GALNT18: variants seen among roughly 807,000 people sequenced by gnomAD.
GALNT18 encodes the protein polypeptide N-acetylgalactosaminyltransferase 18.
In GALNT18, 44 loss-of-function variants were observed where a neutral mutation model predicts 69.5. The observed-to-expected ratio is 0.63, with a 90% CI of 0.50 to 0.81. GALNT18 has a LOEUF of 0.81. GALNT18 is among the 40% of genes least tolerant of loss of function. GALNT18 has a pLI of 0.00. For missense variants in GALNT18, 715 were observed against 810.0 expected, an observed-to-expected ratio of 0.88 and a Z score of 1.42; for synonymous variants, 364 against 318.2, an observed-to-expected ratio of 1.14 and a Z score of -1.53.
rs141667627 is a variant in GALNT18 at position 11,471,544 on chromosome 11, G to T, written c.236-22608C>A. Among the ~76,000 whole-genome samples the T allele has an allele frequency of 2.5e-3, 382 of 152,242 alleles. 2 individuals are homozygous for T. The highest frequency in any genetic ancestry group is 8.7e-3 in the African/African-American group (360 of 41,548). ...TGTGATTCCCCAGGTCTCTTTCAATGCTTCCCCCTTTCCTTGTGCTTTTTG... is the reference window on the plus strand; with the variant it reads ...TGTGATTCCCCAGGTCTCTTTCAATTCTTCCCCCTTTCCTTGTGCTTTTTG... On this transcript the variant is annotated intron_variant, in intron 1 of 10. Transcript: ENST00000227756.
At chr11:11,508,017 A>G (rs11021881) in intron 1 of GALNT18, among the ~76,000 whole-genome samples, 29,107 of 152,158 alleles carry the variant, frequency 0.19, 3,230 homozygotes, top group Admixed American at 0.29. Context: ...GCATTATTGT[A>G]TATTACCATA....
At chr11:11,393,769 C>T (rs555514279) in intron 3 of GALNT18, among the ~76,000 whole-genome samples, 1 of 152,366 alleles carries the variant, frequency 6.6e-6, no homozygotes, top group South Asian at 2.1e-4. Flanking sequence ...CGCCTTTCAG[C>T]ATTATTGATT....
chr11:11,293,193 T>C lies in GALNT18; in HGVS notation c.1513A>G (p.Asn505Asp). Reference protein sequence around the residue: ...MYICHGMTPQNVYYTSSQQIH... With the variant: ...MYICHGMTPQDVYYTSSQQIH... ...TGCTGACTGCTCGTGTAGTACACGTTCTGGGGGCGGAGGGAGGGAGAGAGT... is the reference window on the plus strand; with the variant it reads ...TGCTGACTGCTCGTGTAGTACACGTCCTGGGGGCGGAGGGAGGGAGAGAGT... The change falls in exon 10 of 11, where the codon AAC becomes GAC. Residue 505 changes from asparagine to aspartate, a missense_variant and splice_region_variant. Transcript: ENST00000227756. 1 of 1,322,210 alleles carries C rather than the reference T, an allele frequency of 7.6e-7. No individual in the cohort carries two copies. The highest frequency in any genetic ancestry group is 9.7e-7 in the Non-Finnish European group (1 of 1,026,298). The allele number at this position is 1,322,210 out of a possible 1,614,324, so 81.9% of individuals were successfully genotyped here. A position where few individuals can be genotyped will look rare whatever the true frequency, so the allele number is the denominator to read the frequency against.
intron 9 of GALNT18, among the ~76,000 whole-genome samples, chr11:11,293,863 A>G (rs1849350750): frequency 6.6e-6 from 1 of 152,124 alleles, no homozygotes; most frequent in Non-Finnish European, 1.5e-5. Context: ...GTGCTTTGTC[A>G]GAGTAAAAAG....
At chr11:11,476,205 G>A (rs1590036983) in intron 1 of GALNT18, 1 of 152,162 alleles carries the variant, frequency 6.6e-6, no homozygotes, top group Non-Finnish European at 1.5e-5. Context: ...CCCTGTACCA[G>A]CTGATAAGGT....
At chr11:11,271,406 G>A in intron 10 of GALNT18, 116 bp from the exon 11 acceptor site, 1 of 1,056,870 alleles carries the variant, frequency 9.5e-7, no homozygotes, top group Non-Finnish European at 1.4e-6. Flanking sequence ...CCAGATCCCA[G>A]GAGGTCAGCA....
In GALNT18 at chr11:11,394,140, C is replaced by T. The variant is rs145201663; in HGVS notation, c.596-14876G>A. ...CACAAGGTGCTATGAAAATACAGCG[C>T]AGGATGTGACAACCTCTGCAGGGGA... On this transcript the variant is annotated intron_variant, in intron 3 of 10. Transcript: ENST00000227756. Among the ~76,000 whole-genome samples, 28 of 152,268 alleles carry T rather than the reference C, an allele frequency of 1.8e-4. 1 individual carries two copies. Among genetic ancestry groups the T allele is most frequent in the African/African-American group, 6.7e-4 (28 of 41,540 alleles).
At chr11:11,366,339 A>C (rs1237560242) in intron 6 of GALNT18, among the ~76,000 whole-genome samples, 2 of 152,226 alleles carry the variant, frequency 1.3e-5, no homozygotes, top group Non-Finnish European at 2.9e-5. Context: ...TGTGTGCCTT[A>C]AAAAATAAAG....
Position 11,432,618 on chromosome 11 carries a change from C to A in GALNT18, c.595+3G>T, listed in dbSNP as rs1855293462. The A allele has an allele frequency of 1.9e-6, 3 of 1,603,726 alleles. No homozygotes were observed. The highest frequency in any genetic ancestry group is 1.1e-5 in the South Asian group (1 of 88,778). ...CTGGGCCCTGGGAAGCTCCGACACTCACCGTTACTGCTGTTGTCATCCACC... is the reference window on the plus strand; with the variant it reads ...CTGGGCCCTGGGAAGCTCCGACACTAACCGTTACTGCTGTTGTCATCCACC... On this transcript the variant is annotated splice_donor_region_variant and intron_variant, in intron 3 of 10. Coordinates refer to ENST00000227756, the MANE Select transcript of GALNT18 (RefSeq NM_198516.3). This position sits in a 1 kb window ranked among gnomAD's most constrained non-coding sequence, Gnocchi z 5.8.
At chr11:11,532,427 G>C (rs2133943877) in intron 1 of GALNT18, among the ~76,000 whole-genome samples, 1 of 152,292 alleles carries the variant, frequency 6.6e-6, no homozygotes, top group Middle Eastern at 3.4e-3. Context: ...TCAGCCACAG[G>C]TGAGTCCAAG....
At chr11:11,394,311 G>A (rs957176137) in intron 3 of GALNT18, among the ~76,000 whole-genome samples, 1 of 152,208 alleles carries the variant, frequency 6.6e-6, no homozygotes, top group Non-Finnish European at 1.5e-5. Context: ...AATGTGCATG[G>A]CATGCTTGAG....
At position 11,523,791 on chromosome 11, in the gene GALNT18, C is replaced by T. The variant is rs1194676467; in HGVS notation, c.236-74855G>A. Among the ~76,000 whole-genome samples, 1 of 151,874 alleles carries T rather than the reference C, an allele frequency of 6.6e-6. No homozygotes were observed. Among genetic ancestry groups the T allele is most frequent in the East Asian group, 1.9e-4 (1 of 5,170 alleles). The stretch of plus-strand genomic sequence containing the variant: ...TAGGACACACGGCTGCAAGCAACAG[C>T]AACAGCACTGGCTAACATGGGTCAG... On this transcript the variant is annotated intron_variant, in intron 1 of 10. Coordinates refer to ENST00000227756, the MANE Select transcript of GALNT18 (RefSeq NM_198516.3). The surrounding 1 kb of genome is among the most constrained non-coding windows in gnomAD (Gnocchi z 4.3).
chr11:11,306,047 G>T (rs1849572596), intron 9 of GALNT18, among the ~76,000 whole-genome samples: 1 of 152,192 alleles, frequency 6.6e-6, no homozygotes, highest in African/African-American at 2.4e-5. Flanking sequence ...GACTTGGATA[G>T]AATGGGGTCT....
rs1229450680 is a variant in GALNT18 at position 11,540,981 on chromosome 11, C to A, written c.235+80378G>T. On this transcript the variant is annotated intron_variant, in intron 1 of 10. Coordinates refer to ENST00000227756, the MANE Select transcript of GALNT18 (RefSeq NM_198516.3). The surrounding 1 kb of genome is among the most constrained non-coding windows in gnomAD (Gnocchi z 4.6). The stretch of plus-strand genomic sequence containing the variant: ...TTGTGCAATGTTATGATTCTCTTTT[C>A]TTTGATGGTGGATACTTCGGAAAAC... 1.3e-5 allele frequency among the ~76,000 whole-genome samples: 2 copies of A among 152,190 alleles called. No individual in the cohort carries two copies. The highest frequency in any genetic ancestry group is 2.4e-5 in the African/African-American group (1 of 41,442).
rs1359589026 is a variant in GALNT18 at position 11,381,586 on chromosome 11, G to A, written c.596-2322C>T. ...TCACACACTGAGTCTGGGCTGGACC[G>A]TGACACAGCAGGACACAGCAAGAGG... On this transcript the variant is annotated intron_variant, in intron 3 of 10. Transcript: ENST00000227756. 1.1e-4 allele frequency among the ~76,000 whole-genome samples: 17 copies of A among 152,182 alleles called. 1 individual carries two copies. Among genetic ancestry groups the A allele is most frequent in the African/African-American group, 3.6e-4 (15 of 41,444 alleles).
chr11:11,419,627 G>A (rs12225119), intron 3 of GALNT18, among the ~76,000 whole-genome samples: 37,557 of 123,918 alleles, frequency 0.3, 6,761 homozygotes, highest in East Asian at 0.67. Context: ...AAAAAAGAAA[G>A]AAGGAAAAGA....
chr11:11,426,374 C>T (rs1321887718), intron 3 of GALNT18, among the ~76,000 whole-genome samples: 3 of 152,210 alleles, frequency 2.0e-5, no homozygotes, highest in African/African-American at 4.8e-5. Flanking sequence ...CTGTCCCAGG[C>T]TCCTCAGCTG....
chr11:11,549,739 A>G (rs1158557253), intron 1 of GALNT18, among the ~76,000 whole-genome samples: 1 of 152,162 alleles, frequency 6.6e-6, no homozygotes. Flanking sequence ...TCTAGCTACA[A>G]CCCTAGTGGC....
Position 11,620,250 on chromosome 11 carries a change from C to A in GALNT18, c.235+1109G>T, listed in dbSNP as rs1193377757. On this transcript the variant is annotated intron_variant, in intron 1 of 10. Coordinates refer to ENST00000227756, the MANE Select transcript of GALNT18 (RefSeq NM_198516.3). This position sits in a 1 kb window ranked among gnomAD's most constrained non-coding sequence, Gnocchi z 6.9. ...TACAGGGGAACCAAGCTCGGCCCTGCCCTTAAGAAGCTCACACACCTGGAA... is the reference window on the plus strand; with the variant it reads ...TACAGGGGAACCAAGCTCGGCCCTGACCTTAAGAAGCTCACACACCTGGAA... 2.0e-5 allele frequency among the ~76,000 whole-genome samples: 3 copies of A among 152,038 alleles called. No individual in the cohort carries two copies. The highest frequency in any genetic ancestry group is 4.8e-5 in the African/African-American group (2 of 41,408).
Sources: allele counts gnomAD v4.1 joint callset (sites outside exome capture counted in the v4.1 genomes callset), GRCh38; gene constraint gnomAD v4.1.1; non-coding constraint Gnocchi (gnomAD v3.1); transcripts MANE v1.5; gene names NCBI Gene and HGNC (gene_info 2026-07-23, HGNC 2026-07-21).